SNX25: variants seen among roughly 807,000 people sequenced by gnomAD.
SNX25 encodes the protein sorting nexin 25, also known as sorting nexin-25.
Under a neutral mutation model 113.7 loss-of-function variants are expected in SNX25, and 62 were observed. The ratio of observed to expected loss-of-function variants is 0.55; its 90% CI spans 0.44 to 0.67. The LOEUF (loss-of-function observed/expected upper bound fraction) is 0.67, where lower values mean the gene tolerates loss of function less well. Ranked by LOEUF, SNX25 falls within the 30% of genes least tolerant of loss-of-function variation. The pLI, the probability that SNX25 is intolerant of heterozygous loss-of-function variation, is 0.00. For missense variants in SNX25, 1,014 were observed against 1,161.0 expected (o/e 0.87, Z 1.84); for synonymous variants, 421 against 436.2 (o/e 0.97, Z 0.43).
chr4:185,212,491 G>GTGTGTGTGTGTGTTTTTGTTT lies in SNX25; in HGVS notation c.429+2237_429+2238insGTGTGTGTGTGTTTTTGTTTT, dbSNP rs546083196. ...TGTGTGTGTGTGTGTGTGTGTGTGT[G>GTGTGTGTGTGTGTTTTTGTTT]TTTTTTTTTTTTTTTGCTTTGAGAC... On this transcript the variant is annotated intron_variant, in intron 1 of 18. Transcript: ENST00000652585. 1.6e-4 allele frequency among the ~76,000 whole-genome samples: 17 copies of GTGTGTGTGTGTGTTTTTGTTT among 104,934 alleles called. 1 individual carries two copies. The highest frequency in any genetic ancestry group is 5.9e-4 in the African/African-American group (16 of 27,022). The allele number at this position is 104,934 out of a possible 152,430, so 68.8% of individuals were successfully genotyped here.
rs1192199233 is a variant in SNX25, at chr4:185,297,894, G to A, written c.1162+9812G>A. On this transcript the variant is annotated intron_variant, in intron 6 of 18. Coordinates refer to ENST00000652585, the MANE Select transcript of SNX25 (RefSeq NM_001378034.2). ...AACATTTCAGCAGATGAATTTTAGA[G>A]GGACACATTCAGTCCATAACACCAT... 2.0e-5 allele frequency among the ~76,000 whole-genome samples: 3 copies of A among 152,204 alleles called. No individual in the cohort carries two copies. In the East Asian group the frequency reaches 5.8e-4, roughly 29 times the overall value.
In SNX25 at chr4:185,245,189, C is replaced by A. The variant is rs75742452; in HGVS notation, c.430-2105C>A. Among the ~76,000 whole-genome samples, 544 of 151,966 alleles carry A rather than the reference C, an allele frequency of 3.6e-3. 2 individuals are homozygous for A. The highest frequency in any genetic ancestry group is 6.0e-3 in the Non-Finnish European group (410 of 67,992). Reference sequence around the variant, plus strand: ...TTTGTTTCTTTTTTTCGTTCCAAACCAGTAAGTAGACCCCAATTACATTGT... The same window carrying A: ...TTTGTTTCTTTTTTTCGTTCCAAACAAGTAAGTAGACCCCAATTACATTGT... On this transcript the variant is annotated intron_variant, in intron 1 of 18. Transcript: ENST00000652585.
rs951783339 is a variant in SNX25, at chr4:185,353,265, T to A, written c.2467-220T>A. 6.9e-6 allele frequency: 3 copies of A among 432,696 alleles called. No individual in the cohort carries two copies. The Admixed American group carries it at 1.1e-4, about 16-fold the overall frequency. The allele number at this position is 432,696 out of a possible 1,614,324, so 26.8% of individuals were successfully genotyped here. The stretch of plus-strand genomic sequence containing the variant: ...CTGATTATAATACAGCGACAGATTT[T>A]TTTTTAAATTAGCTTATTTTAAGCC... On this transcript the variant is annotated intron_variant, in intron 14 of 18. Transcript: ENST00000652585.
At chr4:185,233,262 G>C (rs1453788425) in intron 1 of SNX25, among the ~76,000 whole-genome samples, 1 of 150,308 alleles carries the variant, frequency 6.7e-6, no homozygotes, top group African/African-American at 2.4e-5. Context: ...TCCAGCCTGG[G>C]TGACAGAGTG....
At chr4:185,347,535 A>G (rs944458592) in intron 13 of SNX25, among the ~76,000 whole-genome samples, 1 of 151,746 alleles carries the variant, frequency 6.6e-6, no homozygotes, top group African/African-American at 2.4e-5. Flanking sequence ...CAATGGCGCG[A>G]TCTTGGCTCA....
intron 13 of SNX25, among the ~76,000 whole-genome samples, chr4:185,347,756 C>T (rs974321684): frequency 6.6e-6 from 1 of 152,210 alleles, no homozygotes; most frequent in African/African-American, 2.4e-5. Flanking sequence ...CAGGCGTGAG[C>T]CACTGTGCCC....
chr4:185,219,216 A>G (rs1739390875), intron 1 of SNX25, among the ~76,000 whole-genome samples: 2 of 152,182 alleles, frequency 1.3e-5, no homozygotes, highest in Non-Finnish European at 1.5e-5. Context: ...TGTATGCTTT[A>G]TAGAAGCTGG....
At chr4:185,215,678 T>C (rs1234070732) in intron 1 of SNX25, among the ~76,000 whole-genome samples, 1 of 152,236 alleles carries the variant, frequency 6.6e-6, no homozygotes, top group East Asian at 1.9e-4. Flanking sequence ...TCTTTTGCGT[T>C]TTAACTGGGG....
intron 1 of SNX25, among the ~76,000 whole-genome samples, chr4:185,239,846 T>C (rs562663607): frequency 2.1e-5 from 3 of 145,820 alleles, no homozygotes; most frequent in South Asian, 2.2e-4. Flanking sequence ...CACAGGACAA[T>C]AGTGGAGGGA....
intron 1 of SNX25, among the ~76,000 whole-genome samples, chr4:185,222,027 G>C (rs111543226): frequency 0.016 from 343 of 21,552 alleles, 4 homozygotes; most frequent in East Asian, 0.048. Context: ...TATATCCCTC[G>C]TTCACTGTAG....
intron 8 of SNX25, among the ~76,000 whole-genome samples, chr4:185,322,032 C>T (rs907473025): frequency 2.6e-5 from 4 of 152,030 alleles, no homozygotes; most frequent in African/African-American, 7.3e-5. Flanking sequence ...CCATAGATCC[C>T]GAGGGGCAAC....
chr4:185,209,064 C>T (rs557977321), upstream of SNX25, among the ~76,000 whole-genome samples: 1 of 152,354 alleles, frequency 6.6e-6, no homozygotes, highest in South Asian at 2.1e-4. This position sits in a 1 kb window ranked among gnomAD's most constrained non-coding sequence, Gnocchi z 5.2. Flanking sequence ...TGCGTGCACC[C>T]TGTTGCACCA....
At chr4:185,341,165 CTTATG>C (rs2095257955) in intron 11 of SNX25, among the ~76,000 whole-genome samples, 2 of 152,200 alleles carry the variant, frequency 1.3e-5, no homozygotes, top group South Asian at 4.1e-4. Context: ...CTCTTAGCTT[CTTATG>C]TTAAGTATAG....
At chr4:185,369,227 C>CT (rs35543353) in intron 11 of SNX25, among the ~76,000 whole-genome samples, 3,109 of 100,902 alleles carry the variant, frequency 0.031, 130 homozygotes, top group African/African-American at 0.055. Flanking sequence ...ATACAGAGAG[C>CT]TTTTTTTTTT....
chr4:185,242,010 C>G (rs1294796825), intron 1 of SNX25, among the ~76,000 whole-genome samples: 20 of 152,014 alleles, frequency 1.3e-4, no homozygotes, highest in Admixed American at 1.3e-3. Context: ...GCTTCTTTCT[C>G]TTTTTTTCTG....
Position 185,276,417 on chromosome 4 carries a change from T to C in SNX25, c.1091+9262T>C, listed in dbSNP as rs1239585450. On this transcript the variant is annotated intron_variant, in intron 5 of 18. Coordinates refer to ENST00000652585, the MANE Select transcript of SNX25 (RefSeq NM_001378034.2). ...TTGGGGTTTGAGAAGCTCCAATAAA[T>C]AACAACACTCTTCCTCCCATCCCGA... Among the ~76,000 whole-genome samples the C allele has an allele frequency of 4.6e-5, 7 of 152,214 alleles. No homozygotes were observed. The East Asian group carries it at 1.3e-3, about 29-fold the overall frequency.
intron 1 of SNX25, among the ~76,000 whole-genome samples, chr4:185,224,946 G>C (rs75406646): frequency 0.013 from 1,930 of 151,826 alleles, 18 homozygotes; most frequent in Non-Finnish European, 0.021. Context: ...TTTTTTTAAA[G>C]TGGGAAATGG....
chr4:185,206,633 T>C (rs1191895984), upstream of SNX25, among the ~76,000 whole-genome samples: 2 of 117,924 alleles, frequency 1.7e-5, no homozygotes, highest in African/African-American at 6.7e-5. Context: ...CACTCCAGCC[T>C]GGGTAACAAG....
intron 1 of SNX25, among the ~76,000 whole-genome samples, chr4:185,218,994 A>G (rs1035328866): frequency 1.3e-5 from 2 of 152,132 alleles, no homozygotes. Flanking sequence ...GAGCCCACAG[A>G]CAGTGTCCCA....
Sources: gnomAD v4.1 joint callset for allele counts (sites outside exome capture counted in the v4.1 genomes callset) on GRCh38, gnomAD v4.1.1 for gene constraint, Gnocchi (gnomAD v3.1) non-coding constraint, MANE v1.5 for transcripts, NCBI Gene and HGNC (gene_info 2026-07-23, HGNC 2026-07-21) for gene names.